The following KIF21A variants were observed in gnomAD, a reference collection of about 807,000 sequenced individuals.
KIF21A encodes kinesin family member 21A, also known as kinesin-like protein KIF21A.
A neutral mutation model predicts 202.9 loss-of-function variants in KIF21A; 114 were observed. The observed-to-expected ratio is 0.56, with a 90% confidence interval of 0.48 to 0.66. The LOEUF (loss-of-function observed/expected upper bound fraction) is 0.66. KIF21A is among the 30% of genes least tolerant of loss of function. The pLI is 0.00. For missense variants in KIF21A, 1,677 were observed against 1,994.9 expected (o/e 0.84, Z 3.04); for synonymous variants, 667 against 670.8 (o/e 0.99, Z 0.09).
chr12:39,308,131 G>T (rs145397372), intron 33 of KIF21A, among the ~76,000 whole-genome samples: 3,917 of 152,128 alleles, frequency 0.026, 72 homozygotes, highest in Non-Finnish European at 0.041. Context: ...CACTTTGGAG[G>T]CTGAGGTGGG....
chr12:39,386,872 C>T (rs1233638171), intron 1 of KIF21A, among the ~76,000 whole-genome samples: 1 of 152,060 alleles, frequency 6.6e-6, no homozygotes, highest in Non-Finnish European at 1.5e-5. Flanking sequence ...GTTCAGAAGA[C>T]ACAACCTAAA....
chr12:39,411,596 G>A (rs1255729303), intron 1 of KIF21A, among the ~76,000 whole-genome samples: 1 of 152,144 alleles, frequency 6.6e-6, no homozygotes, highest in African/African-American at 2.4e-5. Flanking sequence ...GCGTGATCAT[G>A]GCTCACTGCA....
chr12:39,399,784 C>T (rs1023953161), intron 1 of KIF21A, among the ~76,000 whole-genome samples: 1 of 152,128 alleles, frequency 6.6e-6, no homozygotes, highest in East Asian at 1.9e-4. Flanking sequence ...CACCTCAATT[C>T]GGATCCTCTC....
At chr12:39,414,309 A>C (rs1953356920) in intron 1 of KIF21A, among the ~76,000 whole-genome samples, 1 of 152,222 alleles carries the variant, frequency 6.6e-6, no homozygotes, top group African/African-American at 2.4e-5. Context: ...CAGAAAGCAG[A>C]CCAAAAGTGC....
chr12:39,439,424 C>T (rs59695906), intron 1 of KIF21A, among the ~76,000 whole-genome samples: 45,213 of 151,948 alleles, frequency 0.3, 8,445 homozygotes, highest in African/African-American at 0.53. Context: ...TCAGAGTAAG[C>T]CTTTGAAAGC....
At chr12:39,379,345 C>G (rs2139388998) in intron 1 of KIF21A, among the ~76,000 whole-genome samples, 1 of 149,622 alleles carries the variant, frequency 6.7e-6, no homozygotes, top group South Asian at 2.1e-4. Context: ...AAAAAAAAAC[C>G]TGTTAGAATT....
chr12:39,357,902 C>T (rs960414071), intron 8 of KIF21A, among the ~76,000 whole-genome samples: 2 of 55,178 alleles, frequency 3.6e-5, no homozygotes, highest in South Asian at 1.3e-3. Flanking sequence ...GAGGGAGACT[C>T]CATCTCAAAA....
intron 7 of KIF21A, among the ~76,000 whole-genome samples, chr12:39,362,233 T>A (rs1341707098): frequency 6.6e-6 from 1 of 152,164 alleles, no homozygotes; most frequent in Non-Finnish European, 1.5e-5. Context: ...TCTGTATAAA[T>A]TACCCAGTCT....
intron 1 of KIF21A, among the ~76,000 whole-genome samples, chr12:39,403,349 GT>G (rs1331986719): frequency 6.6e-6 from 1 of 152,126 alleles, no homozygotes; most frequent in Non-Finnish European, 1.5e-5. Context: ...AGCATACTAA[GT>G]TTTTAATTAG....
chr12:39,377,001 A>G (rs570865861), intron 1 of KIF21A, among the ~76,000 whole-genome samples: 7 of 152,292 alleles, frequency 4.6e-5, no homozygotes, highest in African/African-American at 1.7e-4. Flanking sequence ...TACATGTGAC[A>G]AATTTTTCCA....
intron 1 of KIF21A, among the ~76,000 whole-genome samples, chr12:39,391,181 T>C (rs1444095561): frequency 6.6e-6 from 1 of 152,194 alleles, no homozygotes; most frequent in East Asian, 1.9e-4. Flanking sequence ...GCAAATCTAT[T>C]TGGTTCCTGA....
In KIF21A at chr12:39,416,697, A is replaced by G. The variant is rs1166264766; in HGVS notation, c.44+26230T>C. On this transcript the variant is annotated intron_variant, in intron 1 of 37. Coordinates refer to ENST00000361418, the MANE Select transcript of KIF21A (RefSeq NM_001173464.2). The stretch of plus-strand genomic sequence containing the variant: ...TACATATATATGTGTGTATATATAT[A>G]TGTACATATATATGTGTGTATATAT... 7.9e-5 allele frequency among the ~76,000 whole-genome samples: 9 copies of G among 113,322 alleles called. 1 individual carries two copies. Among genetic ancestry groups the G allele is most frequent in the Middle Eastern group, 4.4e-3 (1 of 228 alleles). 74.3% of individuals were successfully genotyped at this position (113,322 alleles called of 152,430 possible).
In KIF21A at chr12:39,366,537, T is replaced by C. The variant is rs372589796; in HGVS notation, c.736-20A>G. The C allele has an allele frequency of 2.0e-6, 3 of 1,518,506 alleles. No homozygotes were observed. Among genetic ancestry groups the C allele is most frequent in the East Asian group, 2.3e-5 (1 of 42,778 alleles). 94.1% of individuals were successfully genotyped at this position (1,518,506 alleles called of 1,614,324 possible). A position where few individuals can be genotyped will look rare whatever the true frequency, so the allele number is the denominator to read the frequency against. ...ATTGTCCTGAAATTAAGAAAAATAATTGAAAATACTTTATTAATGTAACAT... is the reference window on the plus strand; with the variant it reads ...ATTGTCCTGAAATTAAGAAAAATAACTGAAAATACTTTATTAATGTAACAT... On this transcript the variant is annotated intron_variant, in intron 5 of 37. Transcript: ENST00000361418.
At chr12:39,313,306 A>T (rs900345167) in intron 31 of KIF21A, among the ~76,000 whole-genome samples, 4 of 151,908 alleles carry the variant, frequency 2.6e-5, no homozygotes, top group Non-Finnish European at 5.9e-5. Context: ...AGTCTCAAAG[A>T]GGAATACATT....
rs1942085488 is a variant in KIF21A at position 39,294,324 on chromosome 12, C to T, written c.*100G>A. On this transcript the variant is annotated 3_prime_UTR_variant, in exon 38 of 38. Coordinates refer to ENST00000361418, the MANE Select transcript of KIF21A (RefSeq NM_001173464.2). The stretch of plus-strand genomic sequence containing the variant: ...ATTCAGATATATTTTCCAGTTAATC[C>T]GATTCATACGTTTTGCCTAGTAAGT... 2.0e-5 allele frequency: 17 copies of T among 829,654 alleles called. No individual in the cohort carries two copies. The highest frequency in any genetic ancestry group is 1.8e-4 in the South Asian group (13 of 71,004). 51.4% of individuals were successfully genotyped at this position (829,654 alleles called of 1,614,324 possible).
chr12:39,398,461 C>T (rs1202914715), intron 1 of KIF21A, among the ~76,000 whole-genome samples: 1 of 152,046 alleles, frequency 6.6e-6, no homozygotes, highest in Admixed American at 6.6e-5. Context: ...ATTAAACAGG[C>T]ATAGTGGCAT....
chr12:39,436,083 C>T (rs1437418172), intron 1 of KIF21A, among the ~76,000 whole-genome samples: 1 of 152,054 alleles, frequency 6.6e-6, no homozygotes, highest in Non-Finnish European at 1.5e-5. Context: ...TACTGAGGTG[C>T]TTCTAAAGTC....
At chr12:39,319,792 G>T in intron 28 of KIF21A, 114 bp downstream of exon 28, 1 of 748,958 alleles carries the variant, frequency 1.3e-6, no homozygotes. Flanking sequence ...TAGTCAAATA[G>T]TCATAACCAC....
At chr12:39,373,297 C>T (rs1950076041) in intron 1 of KIF21A, among the ~76,000 whole-genome samples, 1 of 152,192 alleles carries the variant, frequency 6.6e-6, no homozygotes. Context: ...ATGCCTCCAA[C>T]TTACATTATT....
Sources: gnomAD v4.1 joint callset for allele counts (sites outside exome capture counted in the v4.1 genomes callset) on GRCh38, gnomAD v4.1.1 for gene constraint, MANE v1.5 for transcripts, NCBI Gene and HGNC (gene_info 2026-07-23, HGNC 2026-07-21) for gene names.